GSE1: variants seen among roughly 807,000 people sequenced by gnomAD.
GSE1 encodes the protein Gse1 coiled-coil protein, also known as genetic suppressor element 1.
GSE1 carries 32 observed loss-of-function variants against 112.6 expected under a neutral mutation model. That is an observed-to-expected ratio of 0.28 (90% CI 0.21 to 0.38). The LOEUF (loss-of-function observed/expected upper bound fraction) is 0.38. Ranked by LOEUF, GSE1 falls within the 10% of genes least tolerant of loss-of-function variation. The pLI, the probability that GSE1 is intolerant of heterozygous loss-of-function variation, is 1.00. For synonymous variants in GSE1, 1,115 were observed against 735.6 expected, an observed-to-expected ratio of 1.52 and a Z score of -8.35; for missense variants, 2,348 against 1,699.2, an observed-to-expected ratio of 1.38 and a Z score of -6.71.
At chr16:85,206,277 C>A (rs1269706587) in intron 1 of GSE1, among the ~76,000 whole-genome samples, 1 of 151,908 alleles carries the variant, frequency 6.6e-6, no homozygotes, top group Non-Finnish European at 1.5e-5. Flanking sequence ...AAGCCCGGGC[C>A]GGAGACCTTC....
intron 2 of GSE1, among the ~76,000 whole-genome samples, chr16:85,399,098 A>G (rs1225428858): frequency 6.6e-6 from 1 of 152,174 alleles, no homozygotes; most frequent in Admixed American, 6.5e-5. Flanking sequence ...TGTGGTGTGT[A>G]CATGTGTGTG....
At chr16:85,405,356 C>CT (rs754357069) in intron 2 of GSE1, among the ~76,000 whole-genome samples, 1 of 2,312 alleles carries the variant, frequency 4.3e-4, no homozygotes, top group African/African-American at 4.8e-4. Context: ...TCAGGGCCCC[C>CT]GGATAATCCT....
chr16:85,387,267 C>T (rs550712918), intron 2 of GSE1, among the ~76,000 whole-genome samples: 4 of 152,094 alleles, frequency 2.6e-5, no homozygotes, highest in Admixed American at 2.0e-4. Flanking sequence ...CCCAGTGACT[C>T]CCCAGAACCC....
chr16:85,643,674 G>A (rs894816489), intron 2 of GSE1, among the ~76,000 whole-genome samples: 2 of 152,206 alleles, frequency 1.3e-5, no homozygotes, highest in East Asian at 1.9e-4. Context: ...CTTATGGCAT[G>A]GGCTATAAGG....
chr16:85,289,538 G>C (rs997292101), intron 1 of GSE1, among the ~76,000 whole-genome samples: 5 of 152,234 alleles, frequency 3.3e-5, no homozygotes, highest in Non-Finnish European at 7.3e-5. Flanking sequence ...ATGAGGCCTA[G>C]GACTCTGCAT....
intron 2 of GSE1, among the ~76,000 whole-genome samples, chr16:85,426,199 C>CTGGCTGGA (rs1555510092): frequency 7.2e-6 from 1 of 138,104 alleles, no homozygotes; most frequent in Non-Finnish European, 1.5e-5. Context: ...AGATGGATGG[C>CTGGCTGGA]TGGATGGATG....
intron 1 of GSE1, among the ~76,000 whole-genome samples, chr16:85,302,653 C>A (rs2045560135): frequency 6.6e-6 from 1 of 152,172 alleles, no homozygotes; most frequent in Non-Finnish European, 1.5e-5. Flanking sequence ...ATCCCCAGAG[C>A]CTCTGAATCA....
At chr16:85,307,613 C>CAG (rs1567677782) in intron 1 of GSE1, among the ~76,000 whole-genome samples, 15 of 151,782 alleles carry the variant, frequency 9.9e-5, no homozygotes, top group African/African-American at 2.7e-4. Context: ...TGATGGCACA[C>CAG]AGCATTGCCA....
intron 2 of GSE1, among the ~76,000 whole-genome samples, chr16:85,460,882 G>A (rs1206517975): frequency 2.0e-5 from 3 of 152,250 alleles, no homozygotes; most frequent in East Asian, 1.9e-4. Flanking sequence ...AGAGTGGGCT[G>A]CAAATCAGGA....
intron 1 of GSE1, among the ~76,000 whole-genome samples, chr16:85,183,983 C>A (rs923363930): frequency 6.6e-6 from 1 of 152,204 alleles, no homozygotes; most frequent in African/African-American, 2.4e-5. Flanking sequence ...GGTAATTGTT[C>A]ATATTTGTTT....
At chr16:85,466,122 C>T (rs560439984) in intron 2 of GSE1, among the ~76,000 whole-genome samples, 38 of 152,304 alleles carry the variant, frequency 2.5e-4, no homozygotes, top group African/African-American at 8.4e-4. Context: ...TGTGAGAACA[C>T]GGGCACTTTG....
intron 2 of GSE1, among the ~76,000 whole-genome samples, 160 bp from the exon 3 acceptor site, chr16:85,648,392 C>T (rs566086042): frequency 2.8e-4 from 42 of 152,174 alleles, no homozygotes; most frequent in Admixed American, 2.2e-3. Flanking sequence ...AGAGGTGTCT[C>T]CTGCCTGCCT....
chr16:85,277,385 G>A (rs1909472525), intron 1 of GSE1, among the ~76,000 whole-genome samples: 1 of 152,202 alleles, frequency 6.6e-6, no homozygotes, highest in South Asian at 2.1e-4. Context: ...GTCAGTGCCA[G>A]AACCCACCCC....
At chr16:85,383,394 A>C (rs929997776) in intron 2 of GSE1, among the ~76,000 whole-genome samples, 2 of 151,842 alleles carry the variant, frequency 1.3e-5, no homozygotes, top group African/African-American at 4.8e-5. Flanking sequence ...ATACACTCAC[A>C]CACATGCACA....
At chr16:85,590,453 T>C (rs542858367) in intron 1 of GSE1, among the ~76,000 whole-genome samples, 1 of 146,858 alleles carries the variant, frequency 6.8e-6, no homozygotes, top group Non-Finnish European at 1.5e-5. Context: ...GCATGTGTGA[T>C]TGTGTGAGCG....
At chr16:85,357,101 C>T (rs1174799900) in intron 1 of GSE1, among the ~76,000 whole-genome samples, 1 of 152,326 alleles carries the variant, frequency 6.6e-6, no homozygotes, top group Middle Eastern at 3.4e-3. Flanking sequence ...GACCTTTGGG[C>T]TTAGCCTCAG....
chr16:85,652,126 C>T (rs925819219), intron 3 of GSE1, among the ~76,000 whole-genome samples: 9 of 152,228 alleles, frequency 5.9e-5, no homozygotes, highest in African/African-American at 1.7e-4. Context: ...CCCACATGCC[C>T]GTGCACAGCT....
chr16:85,554,979 C>G (rs1200338844), upstream of GSE1: 2 of 985,248 alleles, frequency 2.0e-6, no homozygotes, highest in Middle Eastern at 5.2e-4. Flanking sequence ...CTGCGCCCCG[C>G]TCCCCGTCCG....
rs1195059990 is a variant in GSE1 at position 85,373,050 on chromosome 16, AG to A, written c.2464+15408del. On this transcript the variant is annotated intron_variant, in intron 2 of 2. Coordinates refer to the GSE1 transcript ENST00000637419. The surrounding 1 kb of genome is among the most constrained non-coding windows in gnomAD (Gnocchi z 5.1). ...ACTGTGAGACATGCAGAAGTTCTCC[AG>A]AATCACCTGCACGGCTTTGACTGTG... 2.6e-5 allele frequency among the ~76,000 whole-genome samples: 4 copies of A among 152,270 alleles called. No individual in the cohort carries two copies. Among genetic ancestry groups the A allele is most frequent in the African/African-American group, 7.2e-5 (3 of 41,476 alleles).
Sources: allele counts gnomAD v4.1 joint callset (sites outside exome capture counted in the v4.1 genomes callset), GRCh38; gene constraint gnomAD v4.1.1; non-coding constraint Gnocchi (gnomAD v3.1); transcripts MANE v1.5; gene names NCBI Gene and HGNC (gene_info 2026-07-23, HGNC 2026-07-21).